Variants in PKHD1 observed in about 807,000 individuals in gnomAD.
PKHD1 encodes PKHD1 ciliary IPT domain containing fibrocystin/polyductin.
A neutral mutation model predicts 412.0 loss-of-function variants in PKHD1; 291 were observed. The observed-to-expected ratio is 0.71, with a 90% CI of 0.64 to 0.78. The LOEUF is 0.78. PKHD1 is among the 30% of genes least tolerant of loss of function. PKHD1 has a pLI of 0.00. For missense variants in PKHD1, 4,825 were observed against 4,950.7 expected (o/e 0.97, Z 0.76); for synonymous variants, 1,777 against 1,821.5 (o/e 0.98, Z 0.62).
chr6:51,859,459 G>A (rs191269719), intron 48 of PKHD1, among the ~76,000 whole-genome samples: 33 of 146,910 alleles, frequency 2.2e-4, no homozygotes, highest in African/African-American at 8.4e-4. Context: ...CTGGGAGGCA[G>A]AGCCTGTAGT....
chr6:51,837,082 A>T (rs1373681556), intron 50 of PKHD1, among the ~76,000 whole-genome samples: 2 of 152,160 alleles, frequency 1.3e-5, no homozygotes, highest in Non-Finnish European at 2.9e-5. Flanking sequence ...AAACCAGTAG[A>T]TTAAGCTGGG....
At chr6:51,842,376 C>T (rs1020164608) in intron 50 of PKHD1, among the ~76,000 whole-genome samples, 15 of 152,148 alleles carry the variant, frequency 9.9e-5, no homozygotes, top group Non-Finnish European at 1.2e-4. Context: ...GTGTTTAATG[C>T]ACCCTGCCAC....
intron 60 of PKHD1, among the ~76,000 whole-genome samples, chr6:51,669,797 G>A (rs1277790303): frequency 4.9e-5 from 6 of 123,018 alleles, no homozygotes; most frequent in Admixed American, 8.6e-5. Context: ...CCTTCATTTC[G>A]TTACGTACCC....
Position 51,627,435 on chromosome 6 carries a change from A to C in PKHD1, c.11666-319T>G, listed in dbSNP as rs2784205. 0.05 allele frequency among the ~76,000 whole-genome samples: 7,614 copies of C among 152,104 alleles called. 345 individuals are homozygous for C. The highest frequency in any genetic ancestry group is 0.12 in the African/African-American group (4,899 of 41,488). On this transcript the variant is annotated intron_variant, in intron 65 of 66. Transcript: ENST00000371117. ...CAATTTTGAAAAAAAGTGTAAACTA[A>C]CTAATGTTTTTATATTCATTACATG...
intron 2 of PKHD1, 44 bp from the exon 3 acceptor site, chr6:52,083,299 CA>C: frequency 8.6e-7 from 1 of 1,165,848 alleles, no homozygotes. Flanking sequence ...AGGTCAGATT[CA>C]AACCACTACC....
At chr6:51,925,186 C>G (rs1785332718) in intron 37 of PKHD1, among the ~76,000 whole-genome samples, 1 of 152,130 alleles carries the variant, frequency 6.6e-6, no homozygotes, top group Non-Finnish European at 1.5e-5. Flanking sequence ...AGAACGCCAG[C>G]AAAGATCCTC....
chr6:51,781,416 T>G (rs1480199234), intron 53 of PKHD1, among the ~76,000 whole-genome samples: 1 of 152,138 alleles, frequency 6.6e-6, no homozygotes, highest in African/African-American at 2.4e-5. Context: ...AAATTTTCAT[T>G]TTTAATGAGG....
In PKHD1 at chr6:52,062,879, CT is replaced by C. The variant is rs34087510; in HGVS notation, c.977-220del. Among the ~76,000 whole-genome samples, 22,577 of 152,002 alleles carry C rather than the reference CT, an allele frequency of 0.15. 1,758 individuals carry two copies. The highest frequency in any genetic ancestry group is 0.26 in the Middle Eastern group (76 of 292). ...AACATTCCATGGGTTAGGAGTTAGC[CT>C]TTTTTAGCAAGAGTTCCTAGAAAAG... is the stretch of plus-strand genomic sequence containing the variant. On this transcript the variant is annotated intron_variant, in intron 13 of 66. Transcript: ENST00000371117.
rs533954704 is a variant in PKHD1 at position 51,784,151 on chromosome 6, G to A, written c.8440+7085C>T. The stretch of plus-strand genomic sequence containing the variant: ...AAAACATGCTATTCATATCATTACC[G>A]AATGCAGTAATGGCAACATGAATGA... On this transcript the variant is annotated intron_variant, in intron 53 of 66. Coordinates refer to ENST00000371117, the MANE Select transcript of PKHD1 (RefSeq NM_138694.4). 3.9e-5 allele frequency among the ~76,000 whole-genome samples: 6 copies of A among 152,132 alleles called. 1 individual carries two copies. The highest frequency in any genetic ancestry group is 7.4e-5 in the Non-Finnish European group (5 of 68,014).
At chr6:52,055,819 ATCTCACTTAAGAAAACCCCCGT>A (rs1807641234) in intron 18 of PKHD1, 90 bp from the exon 19 acceptor site, 1 of 1,399,510 alleles carries the variant, frequency 7.1e-7, no homozygotes, top group Admixed American at 1.9e-5. Flanking sequence ...ATTTTAGAGT[ATCTCACTTAAGAAAACCCCCGT>A]TCTAACCCAA....
chr6:52,056,757 AC>A lies in PKHD1; in HGVS notation c.1633del (p.Val545Ter). On this transcript the variant is annotated frameshift_variant, in exon 18 of 67. Coordinates refer to ENST00000371117, the MANE Select transcript of PKHD1 (RefSeq NM_138694.4). LOFTEE classifies it high-confidence loss of function. ...IQTTIEELLA[V>X]KCKLEPLWSN... ...CCAAAGGGGTTCCAGTTTGCATTTT[AC>A]TGCAAGTAACTCCTCAATGGTTGTT... 6.2e-7 allele frequency: 1 copy of A among 1,613,584 alleles called. No individual in the cohort carries two copies. Among genetic ancestry groups the A allele is most frequent in the Non-Finnish European group, 8.5e-7 (1 of 1,179,490 alleles).
intron 60 of PKHD1, among the ~76,000 whole-genome samples, chr6:51,695,377 T>G (rs1315537657): frequency 1.3e-5 from 2 of 152,148 alleles, no homozygotes; most frequent in African/African-American, 4.8e-5. Flanking sequence ...CACTTAATAC[T>G]GTTATTCCTG....
At chr6:51,822,479 A>C (rs6935608) in intron 52 of PKHD1, among the ~76,000 whole-genome samples, 64,499 of 151,890 alleles carry the variant, frequency 0.42, 14,486 homozygotes, top group Middle Eastern at 0.61. Flanking sequence ...TCTCTTCCTG[A>C]AACTTAAATT....
intron 59 of PKHD1, among the ~76,000 whole-genome samples, chr6:51,744,845 A>G (rs1784998745): frequency 6.6e-6 from 1 of 152,174 alleles, no homozygotes; most frequent in African/African-American, 2.4e-5. Context: ...AACTGAACAT[A>G]ATATAATTAT....
rs1048310920 is a variant in PKHD1 at position 51,903,463 on chromosome 6, T to C, written c.6996+134A>G. 314 of 753,622 alleles carry C rather than the reference T, an allele frequency of 4.2e-4. 1 individual carries two copies. Among genetic ancestry groups the C allele is most frequent in the Middle Eastern group, 6.0e-4 (2 of 3,350 alleles). 46.7% of individuals were successfully genotyped at this position (753,622 alleles called of 1,614,324 possible). ...GTCATTAGCGTTAGTGCATTTTATGTGTGACCCAATTCTTCCAATGGCAAT... is the reference window on the plus strand; with the variant it reads ...GTCATTAGCGTTAGTGCATTTTATGCGTGACCCAATTCTTCCAATGGCAAT... On this transcript the variant is annotated intron_variant, in intron 43 of 66. Transcript: ENST00000371117.
intron 48 of PKHD1, among the ~76,000 whole-genome samples, chr6:51,864,614 C>T (rs1774740605): frequency 6.6e-6 from 1 of 152,022 alleles, no homozygotes; most frequent in African/African-American, 2.4e-5. Context: ...CAGAGAGAAA[C>T]AGGTCTACAG....
At chr6:51,721,345 ATAT>A (rs1279598316) in intron 60 of PKHD1, 1 of 583,968 alleles carries the variant, frequency 1.7e-6, no homozygotes, top group Non-Finnish European at 2.1e-6. Context: ...TAGTATTAGT[ATAT>A]TATTGATAAT....
intron 35 of PKHD1, among the ~76,000 whole-genome samples, chr6:51,979,473 C>T (rs1190709224): frequency 1.3e-5 from 2 of 152,184 alleles, no homozygotes; most frequent in South Asian, 2.1e-4. Flanking sequence ...TTTCATTCTC[C>T]TCTGCATTGC....
At chr6:51,751,213 T>C (rs1786064024) in intron 57 of PKHD1, among the ~76,000 whole-genome samples, 2 of 152,190 alleles carry the variant, frequency 1.3e-5, no homozygotes, top group African/African-American at 4.8e-5. Context: ...AGCCCTCCAA[T>C]ATAAAAGTAG....
Sources: allele counts gnomAD v4.1 joint callset (sites outside exome capture counted in the v4.1 genomes callset), GRCh38; gene constraint gnomAD v4.1.1; transcripts MANE v1.5; gene names NCBI Gene and HGNC (gene_info 2026-07-23, HGNC 2026-07-21).